ARVCF: variants seen among roughly 807,000 people sequenced by gnomAD.
The protein encoded by ARVCF is ARVCF delta catenin family member, also known as splicing regulator ARVCF.
ARVCF carries 66 observed loss-of-function variants against 90.9 expected under a neutral mutation model. That is an observed-to-expected ratio of 0.73 (90% CI 0.60 to 0.89). ARVCF has a LOEUF of 0.89. Ranked by LOEUF, ARVCF falls within the 40% of genes least tolerant of loss-of-function variation. The pLI is 0.00. For synonymous variants in ARVCF, 653 were observed against 603.4 expected, an observed-to-expected ratio of 1.08 and a Z score of -1.21; for missense variants, 1,469 against 1,382.3, an observed-to-expected ratio of 1.06 and a Z score of -1.00.
At chr22:19,971,763 GGC>G in intron 18 of ARVCF, 121 bp downstream of exon 18, 1 of 1,026,406 alleles carries the variant, frequency 9.7e-7, no homozygotes, top group South Asian at 1.4e-5. Context: ...TCCTGGGCTT[GGC>G]CCCACAACCC....
At chr22:20,000,331 T>C (rs1944401546) in intron 2 of ARVCF, among the ~76,000 whole-genome samples, 2 of 152,214 alleles carry the variant, frequency 1.3e-5, no homozygotes, top group Non-Finnish European at 2.9e-5. Context: ...CCCCCTCCTC[T>C]GCTGGGAGCC....
At chr22:20,006,747 T>C (rs111476310) in intron 2 of ARVCF, among the ~76,000 whole-genome samples, 1 of 150,902 alleles carries the variant, frequency 6.6e-6, no homozygotes, top group Non-Finnish European at 1.5e-5. Flanking sequence ...TTCTCCTGCC[T>C]CAGCCTCCCG....
rs1490514318 is a variant in ARVCF at position 19,979,908 on chromosome 22, G to A, written c.1231C>T (p.His411Tyr). 6.2e-7 allele frequency: 1 copy of A among 1,600,004 alleles called. No individual in the cohort carries two copies. The highest frequency in any genetic ancestry group is 2.3e-5 in the East Asian group (1 of 44,218). The change falls in exon 6 of 20, where the codon CAC (histidine) becomes TAC (tyrosine). Residue 411 changes from histidine to tyrosine, a missense_variant. Physicochemically the swap from His to Tyr is moderately conservative, Grantham distance 83. Transcript: ENST00000263207. ...CGGCGCCGCACCTCAGCCCGCGGGT[G>A]GTCCAGCAGTGCCACAAGCAGCGGC... ...GLPLLVALLDHPRAEVRRRAC... is the reference protein window; with the variant it reads ...GLPLLVALLDYPRAEVRRRAC...
chr22:19,976,783 A>AC lies in ARVCF; in HGVS notation c.1871-61dup, dbSNP rs112064700. 2.5e-3 allele frequency: 3,895 copies of AC among 1,542,600 alleles called. 86 individuals carry two copies. The African/African-American group carries it at 0.044, about 17-fold the overall frequency. ...GGAGCCTGAACAGGCAGCACTCATC[A>AC]CCCCCCCATGCCCTCCCGGAAGCCT... On this transcript the variant is annotated intron_variant, in intron 9 of 19. Transcript: ENST00000263207.
intron 13 of ARVCF, 67 bp from the exon 14 acceptor site, chr22:19,973,384 C>T (rs1942957243): frequency 3.3e-6 from 5 of 1,503,790 alleles, no homozygotes; most frequent in African/African-American, 1.4e-5. Flanking sequence ...GCAGGGATCC[C>T]GCGAGGGCGA....
intron 10 of ARVCF, among the ~76,000 whole-genome samples, chr22:19,976,422 T>A (rs1943154722): frequency 6.6e-6 from 1 of 152,064 alleles, no homozygotes; most frequent in Admixed American, 6.6e-5. Context: ...CCGAGCCACA[T>A]GATGCCCCAT....
downstream of ARVCF, among the ~76,000 whole-genome samples, chr22:19,966,743 A>C (rs993102912): frequency 1.3e-5 from 2 of 151,426 alleles, no homozygotes; most frequent in African/African-American, 4.9e-5. Flanking sequence ...TGAGGCTCCA[A>C]CTTTTTGTTG....
chr22:19,967,224 G>A, downstream of ARVCF: 1 of 1,304,110 alleles, frequency 7.7e-7, no homozygotes, highest in Non-Finnish European at 1.0e-6. Context: ...TGACCAGATT[G>A]GGCTCCTGAG....
chr22:19,990,842 G>C, intron 2 of ARVCF, 30 bp from the exon 3 acceptor site: 1 of 1,533,010 alleles, frequency 6.5e-7, no homozygotes. Context: ...AGCTCAGTGG[G>C]GTGGGGCACA....
chr22:19,998,431 C>T (rs1182608372), intron 2 of ARVCF, among the ~76,000 whole-genome samples: 2 of 152,148 alleles, frequency 1.3e-5, no homozygotes, highest in African/African-American at 4.8e-5. Context: ...GCCCGCCGGC[C>T]CAGCCCCCCT....
chr22:19,985,495 G>A (rs913593445), intron 3 of ARVCF, among the ~76,000 whole-genome samples: 5 of 152,244 alleles, frequency 3.3e-5, no homozygotes, highest in Non-Finnish European at 5.9e-5. Context: ...GCCCCATCAC[G>A]CACCTTCGGC....
At chr22:19,991,561 A>G (rs986501810) in intron 2 of ARVCF, among the ~76,000 whole-genome samples, 1 of 152,232 alleles carries the variant, frequency 6.6e-6, no homozygotes, top group Admixed American at 6.5e-5. Flanking sequence ...CCTCATCCAG[A>G]AAAGGGCAGG....
At position 19,969,936 on chromosome 22, in the gene ARVCF, T is replaced by G. The variant is rs1942652513; in HGVS notation, c.*820A>C. On this transcript the variant is annotated 3_prime_UTR_variant, in exon 20 of 20. Transcript: ENST00000263207. ...AATTTTTAAATTTTCTTACAAAAATTTAGGTGTTTACCAATAGTCTTATTT... is the reference window on the plus strand; with the variant it reads ...AATTTTTAAATTTTCTTACAAAAATGTAGGTGTTTACCAATAGTCTTATTT... The G allele has an allele frequency of 7.1e-6, 7 of 985,566 alleles. No individual in the cohort carries two copies. Among genetic ancestry groups the G allele is most frequent in the East Asian group, 1.1e-4 (1 of 8,818 alleles). The allele number at this position is 985,566 out of a possible 1,614,324, so 61.1% of individuals were successfully genotyped here. A position where few individuals can be genotyped will look rare whatever the true frequency, so the allele number is the denominator to read the frequency against.
At chr22:19,980,461 T>G in intron 5 of ARVCF, 1 of 612,954 alleles carries the variant, frequency 1.6e-6, no homozygotes, top group Non-Finnish European at 2.5e-6. Flanking sequence ...AGCCAGCGGC[T>G]ACCAGGACCC....
At chr22:19,966,569 T>G (rs183643105), downstream of ARVCF, among the ~76,000 whole-genome samples, 102 of 149,674 alleles carry the variant, frequency 6.8e-4, no homozygotes, top group Non-Finnish European at 1.3e-3. Context: ...GCCTCCTGAG[T>G]AGCTAGGACT....
chr22:19,968,796 C>T (rs1053252285), downstream of ARVCF: 61 of 1,518,754 alleles, frequency 4.0e-5, no homozygotes, highest in African/African-American at 4.0e-4. Context: ...AGGTGCCAGA[C>T]GTGCTCCTGC....
intron 3 of ARVCF, among the ~76,000 whole-genome samples, chr22:19,982,319 C>G (rs973352943): frequency 1.3e-5 from 2 of 152,174 alleles, no homozygotes; most frequent in African/African-American, 4.8e-5. Context: ...GCCCCGGCAC[C>G]CCATCCTGGG....
chr22:19,988,470 AT>A (rs1943904299), intron 3 of ARVCF, among the ~76,000 whole-genome samples: 1 of 152,232 alleles, frequency 6.6e-6, no homozygotes, highest in Non-Finnish European at 1.5e-5. Context: ...AAGTTCCCTG[AT>A]GGCACCCCTC....
chr22:19,975,414 C>G (rs551427163), intron 11 of ARVCF, among the ~76,000 whole-genome samples: 1 of 152,324 alleles, frequency 6.6e-6, no homozygotes, highest in Non-Finnish European at 1.5e-5. Context: ...CCACCTCTTA[C>G]GCACCGTGAG....
Sources: allele counts gnomAD v4.1 joint callset (sites outside exome capture counted in the v4.1 genomes callset), GRCh38; gene constraint gnomAD v4.1.1; transcripts MANE v1.5; gene names NCBI Gene and HGNC (gene_info 2026-07-23, HGNC 2026-07-21).